GFRA2: variants seen among roughly 807,000 people sequenced by gnomAD.
The protein encoded by GFRA2 is GDNF family receptor alpha 2.
A neutral mutation model predicts 48.3 loss-of-function variants in GFRA2; 17 were observed. The observed-to-expected ratio is 0.35, with a 90% confidence interval of 0.24 to 0.53. The LOEUF is 0.53. Among genes scored for constraint, GFRA2 ranks in the 20% least tolerant of loss-of-function variants. GFRA2 has a pLI of 0.93. For synonymous variants in GFRA2, 305 were observed against 257.2 expected, an observed-to-expected ratio of 1.19 and a Z score of -1.78; for missense variants, 660 against 637.3, an observed-to-expected ratio of 1.04 and a Z score of -0.38.
At chr8:21,695,926 CA>C (rs1250025233) in intron 7 of GFRA2, among the ~76,000 whole-genome samples, 2 of 152,124 alleles carry the variant, frequency 1.3e-5, no homozygotes, top group Non-Finnish European at 2.9e-5. Flanking sequence ...CACCCAGCGT[CA>C]CTTCCTACTC....
At chr8:21,761,719 G>A (rs909224893) in intron 3 of GFRA2, among the ~76,000 whole-genome samples, 1 of 152,172 alleles carries the variant, frequency 6.6e-6, no homozygotes, top group Non-Finnish European at 1.5e-5. Flanking sequence ...GGAGGCCAAG[G>A]TGGGTGGATT....
At chr8:21,808,733 TGGG>T (rs1807922218) in intron 1 of GFRA2, among the ~76,000 whole-genome samples, 1 of 152,208 alleles carries the variant, frequency 6.6e-6, no homozygotes, top group African/African-American at 2.4e-5. Context: ...AACAAGCCCT[TGGG>T]CCCTAGGGCC....
At chr8:21,697,837 C>T (rs890775258) in intron 7 of GFRA2, among the ~76,000 whole-genome samples, 1 of 152,062 alleles carries the variant, frequency 6.6e-6, no homozygotes, top group Non-Finnish European at 1.5e-5. Flanking sequence ...GATGGGAATT[C>T]CCCTGCACAC....
intron 4 of GFRA2, among the ~76,000 whole-genome samples, chr8:21,744,595 C>A (rs1354418817): frequency 3.8e-5 from 5 of 131,332 alleles, no homozygotes; most frequent in African/African-American, 2.1e-4. Context: ...ACAATCTGAG[C>A]CCATCTTTGC....
intron 3 of GFRA2, among the ~76,000 whole-genome samples, chr8:21,753,643 A>G (rs928468988): frequency 2.0e-5 from 3 of 152,194 alleles, no homozygotes; most frequent in Admixed American, 1.3e-4. Context: ...AAAGAAAGAA[A>G]AGAAAAAAAT....
intron 4 of GFRA2, among the ~76,000 whole-genome samples, chr8:21,747,505 G>C (rs1393992485): frequency 6.6e-6 from 1 of 152,056 alleles, no homozygotes; most frequent in African/African-American, 2.4e-5. Context: ...CTTCTTCACA[G>C]AGCTTTCCCT....
chr8:21,802,806 G>C (rs1807794700), intron 2 of GFRA2, among the ~76,000 whole-genome samples: 1 of 152,188 alleles, frequency 6.6e-6, no homozygotes, highest in South Asian at 2.1e-4. Context: ...CATATACATA[G>C]AAATGGAGGT....
At position 21,692,056 on chromosome 8, in the gene GFRA2, T is replaced by C. The variant is rs1007871824; in HGVS notation, c.*1222A>G. 2 of 152,598 alleles carry C rather than the reference T, an allele frequency of 1.3e-5. No individual in the cohort carries two copies. Among genetic ancestry groups the C allele is most frequent in the Non-Finnish European group, 2.9e-5 (2 of 68,038 alleles). The allele number at this position is 152,598 out of a possible 1,614,324, so 9.5% of individuals were successfully genotyped here. ...CGTTTATTGGAGCCTTGGTTAAGCT[T>C]GGATGCGGATCAGGAGCCCCCACCA... is the stretch of plus-strand genomic sequence containing the variant. On this transcript the variant is annotated 3_prime_UTR_variant, in exon 9 of 9. Transcript: ENST00000524240.
intron 4 of GFRA2, among the ~76,000 whole-genome samples, chr8:21,733,367 G>A (rs1319351281): frequency 6.6e-6 from 1 of 152,150 alleles, no homozygotes; most frequent in South Asian, 2.1e-4. Flanking sequence ...TCAGGGAGAG[G>A]AGGGTCCTTT....
At chr8:21,703,766 A>G (rs1802602710) in intron 6 of GFRA2, among the ~76,000 whole-genome samples, 1 of 151,800 alleles carries the variant, frequency 6.6e-6, no homozygotes, top group South Asian at 2.1e-4. Context: ...CCCATCTCCC[A>G]TCGCTGTTCC....
intron 3 of GFRA2, among the ~76,000 whole-genome samples, chr8:21,759,883 C>T (rs1236429555): frequency 1.9e-5 from 2 of 106,902 alleles, no homozygotes; most frequent in East Asian, 2.8e-4. Flanking sequence ...AGCAAGATTG[C>T]GTCTCAAAAA....
chr8:21,782,853 G>C lies in GFRA2; in HGVS notation c.87C>G (p.Pro29=). 3.2e-6 allele frequency: 5 copies of C among 1,568,840 alleles called. No individual in the cohort carries two copies. The highest frequency in any genetic ancestry group is 3.6e-5 in the Admixed American group (2 of 55,012). The change falls in exon 2 of 9, where the codon CCC becomes CCG. Residue 29 remains proline, a synonymous_variant. Coordinates refer to ENST00000524240, the MANE Select transcript of GFRA2 (RefSeq NM_001495.5). ...SLASPSSLQG[P]ELHGWRPPVD... is the part of the protein sequence containing the mutation. ...CTGGGGGGCGCCAGCCGTGGAGCTCGGGGCCCTGCAGGGAGGAAGGGCTGG... is the reference window on the plus strand; with the variant it reads ...CTGGGGGGCGCCAGCCGTGGAGCTCCGGGCCCTGCAGGGAGGAAGGGCTGG...
chr8:21,779,500 C>T (rs2117727793), intron 2 of GFRA2: 1 of 152,386 alleles, frequency 6.6e-6, no homozygotes, highest in East Asian at 1.9e-4. Context: ...CCCAGTCTCC[C>T]TTGGGTGGAA....
intron 2 of GFRA2, among the ~76,000 whole-genome samples, chr8:21,775,523 C>A (rs1444524066): frequency 2.0e-5 from 3 of 152,220 alleles, no homozygotes; most frequent in African/African-American, 7.2e-5. Context: ...TGAGATCACA[C>A]AGCTACTCCT....
chr8:21,727,628 G>A lies in GFRA2; in HGVS notation c.795-21587C>T, dbSNP rs192072496. ...TTTCCCCAAGGCCAGGCATGCTCCG[G>A]ACCAGGGTTAGACAGGCCACAGTCC... On this transcript the variant is annotated intron_variant, in intron 4 of 8. Coordinates refer to ENST00000524240, the MANE Select transcript of GFRA2 (RefSeq NM_001495.5). Among the ~76,000 whole-genome samples, 650 of 152,246 alleles carry A rather than the reference G, an allele frequency of 4.3e-3. 5 individuals carry two copies. The highest frequency in any genetic ancestry group is 0.015 in the African/African-American group (614 of 41,542).
At chr8:21,809,877 A>G (rs1233592968) in intron 1 of GFRA2, among the ~76,000 whole-genome samples, 1 of 152,208 alleles carries the variant, frequency 6.6e-6, no homozygotes, top group African/African-American at 2.4e-5. Flanking sequence ...ATAGGGGAAC[A>G]GCAAATGCAA....
intron 7 of GFRA2, 59 bp downstream of exon 7, chr8:21,702,746 T>C: frequency 6.7e-7 from 1 of 1,494,986 alleles, no homozygotes; most frequent in Non-Finnish European, 8.9e-7. Context: ...GCTGAGTCAT[T>C]TCCCATGCCA....
At chr8:21,743,585 A>G (rs1244056120) in intron 4 of GFRA2, among the ~76,000 whole-genome samples, 2 of 152,164 alleles carry the variant, frequency 1.3e-5, no homozygotes, top group Non-Finnish European at 1.5e-5. Context: ...TAACTCCCCC[A>G]ATCGAACACA....
At position 21,750,769 on chromosome 8, in the gene GFRA2, G is replaced by A. The variant is rs944832144; in HGVS notation, c.613C>T (p.Arg205Cys). The change falls in exon 4 of 9, where the codon CGC becomes TGC. Residue 205 changes from arginine (R) to cysteine (C), a missense_variant. Coordinates refer to ENST00000524240, the MANE Select transcript of GFRA2 (RefSeq NM_001495.5). This position sits in a 1 kb window ranked among gnomAD's most constrained non-coding sequence, Gnocchi z 5.7. ...CTGGGCACCCGGTCGAAGAACTGGCGCAGGGCCTTGTGGCACTTGCGGCGG... is the reference window on the plus strand; with the variant it reads ...CTGGGCACCCGGTCGAAGAACTGGCACAGGGCCTTGTGGCACTTGCGGCGG... Reference protein sequence around the residue: ...CNRRKCHKALRQFFDRVPSEY... With the variant: ...CNRRKCHKALCQFFDRVPSEY... 9 of 1,613,904 alleles carry A rather than the reference G, an allele frequency of 5.6e-6. No homozygotes were observed. Among genetic ancestry groups the A allele is most frequent in the South Asian group, 1.1e-5 (1 of 91,094 alleles).
Sources: gnomAD v4.1 joint callset for allele counts (sites outside exome capture counted in the v4.1 genomes callset) on GRCh38, gnomAD v4.1.1 for gene constraint, Gnocchi (gnomAD v3.1) non-coding constraint, MANE v1.5 for transcripts, NCBI Gene and HGNC (gene_info 2026-07-23, HGNC 2026-07-21) for gene names.